RBFOX1: variants seen among roughly 807,000 people sequenced by gnomAD.
RBFOX1 encodes the protein RNA binding fox-1 homolog 1, also known as RNA binding protein fox-1 homolog 1.
RBFOX1 carries 8 observed loss-of-function variants against 57.7 expected under a neutral mutation model. That is an observed-to-expected ratio of 0.14 (90% confidence interval 0.08 to 0.25). RBFOX1 has a LOEUF of 0.25. Ranked by LOEUF, RBFOX1 falls within the 10% of genes least tolerant of loss-of-function variation. RBFOX1 has a pLI of 1.00. For synonymous variants in RBFOX1, 326 were observed against 222.4 expected, an observed-to-expected ratio of 1.47 and a Z score of -4.15; for missense variants, 611 against 548.5, an observed-to-expected ratio of 1.11 and a Z score of -1.14.
chr16:7,040,640 C>A (rs1390874688), intron 3 of RBFOX1, among the ~76,000 whole-genome samples: 1 of 152,052 alleles, frequency 6.6e-6, no homozygotes, highest in Non-Finnish European at 1.5e-5. Context: ...TCATTCCAGA[C>A]TTTTTTCCAG....
chr16:5,317,514 A>T (rs1919063), intron 1 of RBFOX1, among the ~76,000 whole-genome samples: 2 of 152,098 alleles, frequency 1.3e-5, no homozygotes, highest in Admixed American at 6.5e-5. Context: ...GAGACTGAGG[A>T]ACGAGAATCG....
At chr16:7,334,891 G>C (rs138055514) in intron 4 of RBFOX1, among the ~76,000 whole-genome samples, 3 of 152,234 alleles carry the variant, frequency 2.0e-5, no homozygotes, top group Admixed American at 2.0e-4. Flanking sequence ...TTTTCCAAGC[G>C]ACACCTCTGG....
chr16:5,466,163 G>A (rs1231015583), intron 1 of RBFOX1, among the ~76,000 whole-genome samples: 6 of 152,224 alleles, frequency 3.9e-5, no homozygotes, highest in African/African-American at 4.8e-5. Context: ...GCAAGCTTGC[G>A]TCAGAGAGAG....
intron 4 of RBFOX1, among the ~76,000 whole-genome samples, chr16:5,944,752 A>T (rs541246918): frequency 7.2e-6 from 1 of 139,786 alleles, no homozygotes; most frequent in Admixed American, 7.7e-5. Context: ...CAAGAGATAG[A>T]GACCATCCTG....
chr16:7,419,956 T>C (rs993780980), intron 4 of RBFOX1, among the ~76,000 whole-genome samples: 4 of 147,752 alleles, frequency 2.7e-5, no homozygotes, highest in African/African-American at 1.0e-4. Flanking sequence ...ATTGTTTTGG[T>C]TGGAAGAATA....
intron 1 of RBFOX1, among the ~76,000 whole-genome samples, chr16:5,339,383 A>T (rs1479772098): frequency 6.6e-6 from 1 of 151,064 alleles, no homozygotes; most frequent in Non-Finnish European, 1.5e-5. Context: ...GCCTTAACAA[A>T]GGCAATGGTC....
chr16:6,490,346 A>G (rs764868220), intron 2 of RBFOX1, among the ~76,000 whole-genome samples: 11 of 152,214 alleles, frequency 7.2e-5, no homozygotes, highest in African/African-American at 1.4e-4. Flanking sequence ...AGTTGAATAA[A>G]TGAGTACATG....
chr16:6,487,272 C>A (rs932778842), intron 2 of RBFOX1, among the ~76,000 whole-genome samples: 2 of 151,746 alleles, frequency 1.3e-5, no homozygotes, highest in Admixed American at 6.6e-5. Context: ...TTAAAAATGA[C>A]AGAAAGCCCA....
intron 4 of RBFOX1, among the ~76,000 whole-genome samples, chr16:7,183,046 T>G (rs968775015): frequency 6.6e-6 from 1 of 152,210 alleles, no homozygotes; most frequent in African/African-American, 2.4e-5. Flanking sequence ...ACAATATTTT[T>G]GCTTAAACAC....
At chr16:6,809,085 ACTG>A (rs1471996633) in intron 3 of RBFOX1, among the ~76,000 whole-genome samples, 1 of 152,118 alleles carries the variant, frequency 6.6e-6, no homozygotes, top group African/African-American at 2.4e-5. Context: ...CCACCCATAG[ACTG>A]CTAAGTGTTC....
chr16:7,438,313 G>T (rs1171962101), intron 4 of RBFOX1, among the ~76,000 whole-genome samples: 1 of 152,158 alleles, frequency 6.6e-6, no homozygotes, highest in African/African-American at 2.4e-5. Flanking sequence ...GTGGATGTGA[G>T]GGGGTAAAGA....
At chr16:5,643,666 C>A (rs1764162389) in intron 3 of RBFOX1, among the ~76,000 whole-genome samples, 1 of 152,188 alleles carries the variant, frequency 6.6e-6, no homozygotes, top group Non-Finnish European at 1.5e-5. Flanking sequence ...GGAACTTCAG[C>A]TTTCCCCAGA....
intron 1 of RBFOX1, among the ~76,000 whole-genome samples, chr16:5,326,807 C>A (rs181640964): frequency 6.6e-6 from 1 of 152,222 alleles, no homozygotes; most frequent in Admixed American, 6.5e-5. Context: ...CTGCTAGGCA[C>A]TATCTGCTAA....
intron 3 of RBFOX1, among the ~76,000 whole-genome samples, chr16:5,811,053 C>T (rs970109950): frequency 6.6e-6 from 1 of 152,026 alleles, no homozygotes; most frequent in Non-Finnish European, 1.5e-5. Context: ...CTGCTCCCAT[C>T]CTCCTCAGAC....
At chr16:6,173,376 G>C (rs2096976471) in intron 1 of RBFOX1, among the ~76,000 whole-genome samples, 1 of 152,256 alleles carries the variant, frequency 6.6e-6, no homozygotes, top group East Asian at 1.9e-4. Flanking sequence ...CTGGCACATG[G>C]GTGAGACCTT....
In RBFOX1 at chr16:7,190,682, A is replaced by G. The variant is rs545810026; in HGVS notation, c.27+138584A>G. The stretch of plus-strand genomic sequence containing the variant: ...AAATCAGAAATTCAGCTCCCCAGAA[A>G]TCAGTGCCATTCCATCAACAAACAG... On this transcript the variant is annotated intron_variant, in intron 4 of 15. Coordinates refer to ENST00000550418, the MANE Select transcript of RBFOX1 (RefSeq NM_018723.4). Among the ~76,000 whole-genome samples, 3 of 151,956 alleles carry G rather than the reference A, an allele frequency of 2.0e-5. No homozygotes were observed. The East Asian group carries it at 5.9e-4, about 30-fold the overall frequency.
At chr16:5,318,518 C>T (rs1287030971) in intron 1 of RBFOX1, among the ~76,000 whole-genome samples, 2 of 152,186 alleles carry the variant, frequency 1.3e-5, no homozygotes, top group Non-Finnish European at 2.9e-5. Context: ...CCCCTCCCTG[C>T]ACTCTGTGGA....
At chr16:6,694,382 C>G (rs1174771102) in intron 3 of RBFOX1, among the ~76,000 whole-genome samples, 1 of 152,122 alleles carries the variant, frequency 6.6e-6, no homozygotes, top group Non-Finnish European at 1.5e-5. Context: ...CAGTTCTCAT[C>G]CAAATTCCAC....
rs896052503 is a variant in RBFOX1 at position 7,354,196 on chromosome 16, C to T, written c.28-163951C>T. ...ACATTGGTCAGACTGGTCTCAAACT[C>T]CTGACGTCAGGTGATCTGCCCACCT... On this transcript the variant is annotated intron_variant, in intron 4 of 15. Coordinates refer to ENST00000550418, the MANE Select transcript of RBFOX1 (RefSeq NM_018723.4). 4.6e-5 allele frequency among the ~76,000 whole-genome samples: 7 copies of T among 152,218 alleles called. No individual in the cohort carries two copies. In the East Asian group the frequency reaches 1.4e-3, roughly 29 times the overall value.
Sources: allele counts gnomAD v4.1 joint callset (sites outside exome capture counted in the v4.1 genomes callset), GRCh38; gene constraint gnomAD v4.1.1; transcripts MANE v1.5; gene names NCBI Gene and HGNC (gene_info 2026-07-23, HGNC 2026-07-21).